The following COBL variants were observed in gnomAD, a reference collection of about 807,000 sequenced individuals.
COBL encodes cordon-bleu WH2 repeat protein.
Under a neutral mutation model 98.8 loss-of-function variants are expected in COBL, and 51 were observed. That is an observed-to-expected ratio of 0.52 (90% CI 0.41 to 0.65). The LOEUF (loss-of-function observed/expected upper bound fraction) is 0.65, where lower values mean the gene tolerates loss of function less well. Among genes scored for constraint, COBL ranks in the 30% least tolerant of loss-of-function variants. The probability of loss-of-function intolerance (pLI) is 0.00; values close to 1 mark genes in which losing one functional copy is unlikely to be tolerated. For missense variants in COBL, 1,617 were observed against 1,617.5 expected, an observed-to-expected ratio of 1.00 and a Z score of 0.01; for synonymous variants, 634 against 651.7, an observed-to-expected ratio of 0.97 and a Z score of 0.41.
intron 6 of COBL, among the ~76,000 whole-genome samples, chr7:51,131,675 C>T (rs187747369): frequency 2.2e-4 from 33 of 152,038 alleles, no homozygotes; most frequent in Admixed American, 2.1e-3. Flanking sequence ...CCCACTGCAA[C>T]CCCCACCTTC....
intron 4 of COBL, among the ~76,000 whole-genome samples, chr7:51,185,247 C>T (rs372088895): frequency 1.3e-5 from 2 of 152,288 alleles, no homozygotes; most frequent in East Asian, 3.9e-4. Context: ...ATGAGAGATG[C>T]GAATGCTTGG....
chr7:51,156,588 T>G, intron 5 of COBL: 1 of 985,214 alleles, frequency 1.0e-6, no homozygotes, highest in Non-Finnish European at 1.2e-6. Flanking sequence ...AAGAATTCTC[T>G]GATCCTTCTC....
At chr7:51,151,541 A>T (rs551175450) in intron 5 of COBL, among the ~76,000 whole-genome samples, 2 of 152,336 alleles carry the variant, frequency 1.3e-5, no homozygotes, top group South Asian at 2.1e-4. Context: ...CTGATTTTTT[A>T]AAAAAGAGAT....
rs573607702 is a variant in COBL at position 51,114,891 on chromosome 7, T to C, written c.957+21267A>G. ...AACACTAGCTCCAATTTTAGCTATC[T>C]CCTGTAGCACAAAGCAGGCACTTAA... On this transcript the variant is annotated intron_variant, in intron 6 of 12. Coordinates refer to ENST00000265136, the MANE Select transcript of COBL (RefSeq NM_015198.5). Among the ~76,000 whole-genome samples, 8 of 152,346 alleles carry C rather than the reference T, an allele frequency of 5.3e-5. No homozygotes were observed. The East Asian group carries it at 7.7e-4, about 15-fold the overall frequency.
At chr7:51,140,195 G>A in intron 5 of COBL, among the ~76,000 whole-genome samples, 1 of 151,998 alleles carries the variant, frequency 6.6e-6, no homozygotes. Flanking sequence ...TTCTATCTCA[G>A]GCTTCATGGG....
intron 6 of COBL, among the ~76,000 whole-genome samples, chr7:51,090,383 G>A (rs1937017274): frequency 6.6e-6 from 1 of 152,230 alleles, no homozygotes; most frequent in Admixed American, 6.5e-5. Flanking sequence ...CACCTCAACT[G>A]TGACAGCCCT....
At chr7:51,114,099 G>A (rs1293104461) in intron 6 of COBL, among the ~76,000 whole-genome samples, 6 of 152,160 alleles carry the variant, frequency 3.9e-5, no homozygotes, top group Admixed American at 3.3e-4. Flanking sequence ...CTACATAAGC[G>A]ATCTCCACCT....
At chr7:51,018,391 G>T (rs548391390) in intron 12 of COBL, 1 of 152,332 alleles carries the variant, frequency 6.6e-6, no homozygotes, top group African/African-American at 2.4e-5. Context: ...CAGAAGAACT[G>T]GGAGGATCGA....
intron 5 of COBL, among the ~76,000 whole-genome samples, chr7:51,181,852 G>A (rs1788997202): frequency 6.6e-6 from 1 of 151,812 alleles, no homozygotes; most frequent in Admixed American, 6.6e-5. Flanking sequence ...TCGAAATGGT[G>A]AAAGACAGAA....
At chr7:51,023,895 C>T (rs746927765) in intron 12 of COBL, among the ~76,000 whole-genome samples, 2 of 152,220 alleles carry the variant, frequency 1.3e-5, no homozygotes, top group African/African-American at 4.8e-5. Context: ...TGTGACCAAG[C>T]CAAGCGACTC....
intron 7 of COBL, among the ~76,000 whole-genome samples, chr7:51,068,454 G>A (rs1049421755): frequency 5.9e-5 from 9 of 152,060 alleles, no homozygotes; most frequent in Non-Finnish European, 7.4e-5. Context: ...AATTAATTTA[G>A]GATTTGTTAT....
chr7:51,108,379 T>C (rs1188615168), intron 6 of COBL, among the ~76,000 whole-genome samples: 1 of 152,170 alleles, frequency 6.6e-6, no homozygotes, highest in Admixed American at 6.5e-5. Context: ...TGCTGGACTG[T>C]GGAAAGGGAT....
intron 6 of COBL, among the ~76,000 whole-genome samples, chr7:51,108,179 G>A (rs2128972948): frequency 6.6e-6 from 1 of 152,192 alleles, no homozygotes; most frequent in East Asian, 1.9e-4. Context: ...AAGGATCCTC[G>A]GGCCAACATT....
chr7:51,142,520 A>C (rs140388824), intron 5 of COBL, among the ~76,000 whole-genome samples: 11,836 of 149,822 alleles, frequency 0.079, 553 homozygotes, highest in Admixed American at 0.16. Flanking sequence ...AGTAACTGGG[A>C]TTACAGGAGC....
chr7:51,140,644 C>T (rs548004526), intron 5 of COBL, among the ~76,000 whole-genome samples: 41 of 152,256 alleles, frequency 2.7e-4, no homozygotes, highest in Non-Finnish European at 5.0e-4. Context: ...TTCATTGTGA[C>T]GACAAAACAC....
intron 1 of COBL, among the ~76,000 whole-genome samples, chr7:51,250,752 G>A (rs570434636): frequency 6.6e-6 from 1 of 152,292 alleles, no homozygotes; most frequent in Admixed American, 6.5e-5. Context: ...AAAGGTGGCA[G>A]TCCTTCACAC....
chr7:51,131,102 A>G (rs1243226805), intron 6 of COBL, among the ~76,000 whole-genome samples: 1 of 152,204 alleles, frequency 6.6e-6, no homozygotes, highest in Non-Finnish European at 1.5e-5. Context: ...ATGGCCAACC[A>G]TCACTAGCAA....
Position 51,027,888 on chromosome 7 carries a change from G to A in COBL, c.3208C>T (p.Pro1070Ser), listed in dbSNP as rs1787730007. 6.2e-7 allele frequency: 1 copy of A among 1,614,204 alleles called. No individual in the cohort carries two copies. Among genetic ancestry groups the A allele is most frequent in the Non-Finnish European group, 8.5e-7 (1 of 1,180,052 alleles). Residue 1070 changes from proline to serine, a missense_variant, in exon 10 of 13, where the codon CCC (proline) becomes TCC (serine). Pro to Ser is a moderately conservative substitution (Grantham distance 74). Coordinates refer to ENST00000265136, the MANE Select transcript of COBL (RefSeq NM_015198.5). ...SHILLEREEK[P>S]SVFSTDGNET... ...TTTCCATCTGTAGAGAACACACTGG[G>A]CTTTTCCTCTCTTTCTAGGAGAATG...
At chr7:51,301,343 C>A (rs1801948195) in intron 1 of COBL, among the ~76,000 whole-genome samples, 1 of 152,218 alleles carries the variant, frequency 6.6e-6, no homozygotes, top group Non-Finnish European at 1.5e-5. Flanking sequence ...TCCTTCCTAT[C>A]TGAGCAGGAG....
Sources: allele counts gnomAD v4.1 joint callset (sites outside exome capture counted in the v4.1 genomes callset), GRCh38; gene constraint gnomAD v4.1.1; transcripts MANE v1.5; gene names NCBI Gene and HGNC (gene_info 2026-07-23, HGNC 2026-07-21).